USP3: variants seen among roughly 807,000 people sequenced by gnomAD.
The protein encoded by USP3 is ubiquitin carboxyl-terminal hydrolase 3.
In USP3, 20 loss-of-function variants were observed where a neutral mutation model predicts 72.3. The ratio of observed to expected loss-of-function variants is 0.28; its 90% CI spans 0.19 to 0.40. The LOEUF is 0.40. Among genes scored for constraint, USP3 ranks in the 10% least tolerant of loss-of-function variants. USP3 has a pLI of 1.00. For missense variants in USP3, 479 were observed against 633.9 expected (o/e 0.76, Z 2.62); for synonymous variants, 222 against 225.3 (o/e 0.99, Z 0.13).
At chr15:63,559,790 TTCA>T in intron 6 of USP3, 64 bp from the exon 7 acceptor site, 1 of 1,371,992 alleles carries the variant, frequency 7.3e-7, no homozygotes, top group South Asian at 1.4e-5. Context: ...ATATGTAGGC[TTCA>T]TCAACTTTCT....
chr15:63,552,969 GAA>G (rs1338434025), intron 3 of USP3, among the ~76,000 whole-genome samples: 3 of 152,082 alleles, frequency 2.0e-5, no homozygotes, highest in Non-Finnish European at 4.4e-5. Flanking sequence ...CTTATCCCAG[GAA>G]AAAATTAAAT....
rs1421762843 is a variant in USP3, at chr15:63,558,205, A to G, written c.533+17A>G. On this transcript the variant is annotated intron_variant, in intron 6 of 14. Coordinates refer to ENST00000380324, the MANE Select transcript of USP3 (RefSeq NM_006537.4). Reference sequence around the variant, plus strand: ...GTCACTCAGGTAACGCTACAGTCAGAGCTTAAGTGTCTGACATTAAAGGTT... The same window carrying G: ...GTCACTCAGGTAACGCTACAGTCAGGGCTTAAGTGTCTGACATTAAAGGTT... 4.3e-6 allele frequency: 7 copies of G among 1,613,562 alleles called. No homozygotes were observed. Among genetic ancestry groups the G allele is most frequent in the Non-Finnish European group, 5.9e-6 (7 of 1,179,812 alleles).
At chr15:63,549,950 A>C (rs770786951) in intron 3 of USP3, among the ~76,000 whole-genome samples, 2 of 152,176 alleles carry the variant, frequency 1.3e-5, no homozygotes, top group Non-Finnish European at 1.5e-5. Flanking sequence ...ACTGTCTTCT[A>C]TTTCTTTTAA....
chr15:63,504,956 C>A lies in USP3; in HGVS notation c.91+126C>A, dbSNP rs867320607. The A allele has an allele frequency of 9.2e-5, 60 of 649,880 alleles. No homozygotes were observed. In the African/African-American group the frequency reaches 1.1e-3, roughly 12 times the overall value. The allele number at this position is 649,880 out of a possible 1,614,324, so 40.3% of individuals were successfully genotyped here. ...AGGGGCGAGGGCGAGCCGGGCCCGG[C>A]GGGCTGGGGAGGGTACGCGATGAGG... On this transcript the variant is annotated intron_variant, in intron 1 of 14. Transcript: ENST00000380324.
Position 63,591,070 on chromosome 15 carries a change from G to A in USP3, c.*244G>A, listed in dbSNP as rs1172765432. 2.4e-6 allele frequency: 1 copy of A among 409,252 alleles called. No homozygotes were observed. Among genetic ancestry groups the A allele is most frequent in the African/African-American group, 2.1e-5 (1 of 48,318 alleles). 25.4% of individuals were successfully genotyped at this position (409,252 alleles called of 1,614,324 possible). A position where few individuals can be genotyped will look rare whatever the true frequency, so the allele number is the denominator to read the frequency against. On this transcript the variant is annotated 3_prime_UTR_variant, in exon 15 of 15. Transcript: ENST00000380324. ...TGTAATAATTCAATTTTTATAGGTA[G>A]TTGTAAGAACTTAGTCTTATTTGAC...
rs753870290 is a variant in USP3, at chr15:63,558,240, G to A, written c.533+52G>A. ...TCTGACATTAAAGGTTAAGAGCACG[G>A]GCTCTGGCTCCCTATCTCGTCTGCC... On this transcript the variant is annotated intron_variant, in intron 6 of 14. Coordinates refer to ENST00000380324, the MANE Select transcript of USP3 (RefSeq NM_006537.4). 3 of 1,587,742 alleles carry A rather than the reference G, an allele frequency of 1.9e-6. No individual in the cohort carries two copies. The South Asian group carries it at 3.3e-5, about 18-fold the overall frequency.
intron 1 of USP3, among the ~76,000 whole-genome samples, chr15:63,507,151 A>C (rs1368824453): frequency 3.9e-5 from 6 of 152,098 alleles, no homozygotes; most frequent in African/African-American, 1.4e-4. Flanking sequence ...GTTGACTAAT[A>C]CTGTGACTGG....
At chr15:63,522,578 G>A (rs139368012) in intron 1 of USP3, among the ~76,000 whole-genome samples, 1,714 of 152,260 alleles carry the variant, frequency 0.011, 20 homozygotes, top group Middle Eastern at 0.017. Context: ...GAATTATTTA[G>A]GGTAGAGGTT....
In USP3 at chr15:63,580,641, C is replaced by CATATATATATATATATATATATATAT. The variant is rs1210661793; in HGVS notation, c.1096+6248_1096+6249insATATATATATATATATATATATATAT. On this transcript the variant is annotated intron_variant, in intron 11 of 14. Transcript: ENST00000380324. ...ATCTTAAGAGTTTCAGAAAGTGGTG[C>CATATATATATATATATATATATATAT]ATATATATATGAATATATAATATAT... Among the ~76,000 whole-genome samples, 97 of 49,512 alleles carry CATATATATATATATATATATATATAT rather than the reference C, an allele frequency of 2.0e-3. 2 individuals carry two copies. The highest frequency in any genetic ancestry group is 6.7e-3 in the African/African-American group (71 of 10,578). 32.5% of individuals were successfully genotyped at this position (49,512 alleles called of 152,430 possible).
intron 3 of USP3, among the ~76,000 whole-genome samples, chr15:63,546,853 C>A (rs1237622270): frequency 1.3e-5 from 2 of 152,138 alleles, no homozygotes; most frequent in Non-Finnish European, 2.9e-5. Flanking sequence ...CGTGATCTGC[C>A]CACCTTGGAC....
intron 11 of USP3, among the ~76,000 whole-genome samples, chr15:63,580,934 G>A (rs886428837): frequency 6.6e-5 from 10 of 151,600 alleles, no homozygotes; most frequent in Non-Finnish European, 1.2e-4. Context: ...TCAGCCTCCC[G>A]AGTAGCTGGG....
At chr15:63,572,527 C>G (rs1343895292) in intron 9 of USP3, among the ~76,000 whole-genome samples, 2 of 151,906 alleles carry the variant, frequency 1.3e-5, no homozygotes, top group African/African-American at 2.4e-5. Context: ...ACAAACAGTA[C>G]TTTAAAAAGT....
intron 7 of USP3, among the ~76,000 whole-genome samples, chr15:63,561,565 C>T (rs755832812): frequency 6.6e-6 from 1 of 152,210 alleles, no homozygotes; most frequent in Non-Finnish European, 1.5e-5. Context: ...CTCTTTGCCC[C>T]CCCTGCTACC....
chr15:63,581,381 G>GT (rs2066958308), intron 11 of USP3, among the ~76,000 whole-genome samples: 1 of 140,316 alleles, frequency 7.1e-6, no homozygotes, highest in Non-Finnish European at 1.5e-5. Context: ...GTGTGTGTGT[G>GT]TGTGTGTGTG....
At position 63,574,240 on chromosome 15, in the gene USP3, A is replaced by C. The variant is rs2066825126; in HGVS notation, c.1016-83A>C. ...AAAAAATAAGTGTAAAGAGAAATCT[A>C]GAAATACATCAGTTTGTGAAATTAT... On this transcript the variant is annotated intron_variant, in intron 10 of 14. Transcript: ENST00000380324. This position sits in a 1 kb window ranked among gnomAD's most constrained non-coding sequence, Gnocchi z 4.6. 1.4e-6 allele frequency: 2 copies of C among 1,423,610 alleles called. No homozygotes were observed. Among genetic ancestry groups the C allele is most frequent in the African/African-American group, 2.9e-5 (2 of 68,206 alleles). 88.2% of individuals were successfully genotyped at this position (1,423,610 alleles called of 1,614,324 possible).
Position 63,528,890 on chromosome 15 carries a change from C to T in USP3, c.92-3757C>T. 5 of 584,190 alleles carry T rather than the reference C, an allele frequency of 8.6e-6. No homozygotes were observed. The highest frequency in any genetic ancestry group is 2.1e-5 in the South Asian group (1 of 46,994). 36.2% of individuals were successfully genotyped at this position (584,190 alleles called of 1,614,324 possible). On this transcript the variant is annotated intron_variant, in intron 1 of 14. Coordinates refer to ENST00000380324, the MANE Select transcript of USP3 (RefSeq NM_006537.4). The surrounding 1 kb of genome is among the most constrained non-coding windows in gnomAD (Gnocchi z 4.3). Reference sequence around the variant, plus strand: ...TTTTTCAGTCTATTTTATATTTGTCCTGGGTACATTAAAGGTTCTTAATTT... The same window carrying T: ...TTTTTCAGTCTATTTTATATTTGTCTTGGGTACATTAAAGGTTCTTAATTT...
intron 11 of USP3, among the ~76,000 whole-genome samples, chr15:63,585,642 A>C (rs1239801498): frequency 2.0e-5 from 3 of 152,128 alleles, no homozygotes; most frequent in Admixed American, 1.3e-4. Flanking sequence ...CCAACTTATA[A>C]ATCCTTCTTT....
chr15:63,545,554 C>T (rs1567106933), intron 3 of USP3, among the ~76,000 whole-genome samples: 1 of 151,902 alleles, frequency 6.6e-6, no homozygotes, highest in East Asian at 1.9e-4. Flanking sequence ...CTAATATGTA[C>T]CCTAGTACAA....
At position 63,588,891 on chromosome 15, in the gene USP3, GTCA is replaced by G. The variant is rs2067128141; in HGVS notation, c.1330-50_1330-48del. Reference sequence around the variant, plus strand: ...TTGTCATCACATGGAGAGGGTAGAGGTCATCGAGATACTGATGTCATTGACCAC... The same window carrying G: ...TTGTCATCACATGGAGAGGGTAGAGGTCGAGATACTGATGTCATTGACCAC... On this transcript the variant is annotated intron_variant, in intron 13 of 14. Transcript: ENST00000380324. This position sits in a 1 kb window ranked among gnomAD's most constrained non-coding sequence, Gnocchi z 4.6. 4 of 1,612,266 alleles carry G rather than the reference GTCA, an allele frequency of 2.5e-6. No individual in the cohort carries two copies. The highest frequency in any genetic ancestry group is 1.7e-6 in the Non-Finnish European group (2 of 1,178,342).
Sources: allele counts gnomAD v4.1 joint callset (sites outside exome capture counted in the v4.1 genomes callset), GRCh38; gene constraint gnomAD v4.1.1; non-coding constraint Gnocchi (gnomAD v3.1); transcripts MANE v1.5; gene names NCBI Gene and HGNC (gene_info 2026-07-23, HGNC 2026-07-21).